The following ANLN variants were observed in gnomAD, a reference collection of about 807,000 sequenced individuals.
The protein encoded by ANLN is anillin, actin binding protein.
A neutral mutation model predicts 135.1 loss-of-function variants in ANLN; 59 were observed. The observed-to-expected ratio is 0.44, with a 90% confidence interval of 0.35 to 0.54. The LOEUF (loss-of-function observed/expected upper bound fraction) is 0.54, where lower values mean the gene tolerates loss of function less well. ANLN is among the 20% of genes least tolerant of loss of function. ANLN has a pLI of 0.00. For synonymous variants in ANLN, 406 were observed against 456.4 expected (o/e 0.89, Z 1.41); for missense variants, 1,182 against 1,340.0 (o/e 0.88, Z 1.84).
intron 2 of ANLN, among the ~76,000 whole-genome samples, chr7:36,397,528 C>T (rs926323052): frequency 2.0e-5 from 3 of 152,028 alleles, no homozygotes; most frequent in Non-Finnish European, 4.4e-5. Flanking sequence ...AGCAGGAACA[C>T]TTTCAAAAAT....
chr7:36,407,891 C>G lies in ANLN; in HGVS notation c.1031C>G (p.Ser344Cys). ...VKSTLSQTVPSKGELSREICL... is the reference protein window; with the variant it reads ...VKSTLSQTVPCKGELSREICL... ...TCAACTTTATCCCAGACAGTTCCATCCAAGGGAGAATTAAGTAGAGAAATT... is the reference window on the plus strand; with the variant it reads ...TCAACTTTATCCCAGACAGTTCCATGCAAGGGAGAATTAAGTAGAGAAATT... Residue 344 changes from serine (S) to cysteine (C), a missense_variant, in exon 5 of 24, where the codon TCC becomes TGC. Physicochemically the swap from Ser to Cys is moderately radical, Grantham distance 112 (BLOSUM62 -1). Transcript: ENST00000265748. 1 of 1,613,824 alleles carries G rather than the reference C, an allele frequency of 6.2e-7. No homozygotes were observed. Among genetic ancestry groups the G allele is most frequent in the Non-Finnish European group, 8.5e-7 (1 of 1,179,818 alleles).
In ANLN at chr7:36,415,891, GT is replaced by G; in HGVS notation, c.1522+10del. 6.4e-7 allele frequency: 1 copy of G among 1,572,606 alleles called. No homozygotes were observed. Among genetic ancestry groups the G allele is most frequent in the Non-Finnish European group, 8.6e-7 (1 of 1,165,314 alleles). ...TCTAGTACAGAACCTAAAGGTCAGT[GT>G]TTCCAGATTGTTCATGGTTAGTATG... On this transcript the variant is annotated splice_region_variant and intron_variant, in intron 8 of 23. Coordinates refer to ENST00000265748, the MANE Select transcript of ANLN (RefSeq NM_018685.5).
chr7:36,424,721 GA>G lies in ANLN; in HGVS notation c.2695del (p.Thr899HisfsTer16). On this transcript the variant is annotated frameshift_variant, in exon 17 of 24. Coordinates refer to ENST00000265748, the MANE Select transcript of ANLN (RefSeq NM_018685.5). LOFTEE classifies it high-confidence loss of function. ...KKDPSGLDKK[K>X]KTSKSKAITP... ...AAGATCCCTCAGGCCTTGATAAGAAGAAAAAAACATCCAAGTCCAAGGTGAG... is the reference window on the plus strand; with the variant it reads ...AAGATCCCTCAGGCCTTGATAAGAAGAAAAAACATCCAAGTCCAAGGTGAG... 2 of 1,611,186 alleles carry G rather than the reference GA, an allele frequency of 1.2e-6. No individual in the cohort carries two copies. The highest frequency in any genetic ancestry group is 8.5e-7 in the Non-Finnish European group (1 of 1,178,894).
chr7:36,441,021 T>C (rs1788748748), intron 21 of ANLN, among the ~76,000 whole-genome samples: 1 of 152,244 alleles, frequency 6.6e-6, no homozygotes, highest in Admixed American at 6.5e-5. Flanking sequence ...TTGCTACTTA[T>C]TAACAGTATT....
intron 1 of ANLN, among the ~76,000 whole-genome samples, chr7:36,392,383 TCTC>T (rs1032669873): frequency 6.6e-5 from 10 of 151,790 alleles, no homozygotes; most frequent in East Asian, 1.9e-4. Flanking sequence ...ATTAGTAAAA[TCTC>T]CTAGAAAAAT....
At chr7:36,437,829 T>C (rs1788609743) in intron 20 of ANLN, among the ~76,000 whole-genome samples, 1 of 152,188 alleles carries the variant, frequency 6.6e-6, no homozygotes, top group South Asian at 2.1e-4. Context: ...TGGAGTGCAA[T>C]GGCACAATCT....
At chr7:36,403,109 CTCTT>C (rs1174957409) in intron 3 of ANLN, among the ~76,000 whole-genome samples, 2 of 152,026 alleles carry the variant, frequency 1.3e-5, no homozygotes, top group Admixed American at 6.6e-5. Flanking sequence ...AAGAGCGAAA[CTCTT>C]TCTCAAAAAA....
chr7:36,390,188 C>G (rs1786373330), intron 1 of ANLN, 144 bp downstream of exon 1: 1 of 1,413,440 alleles, frequency 7.1e-7, no homozygotes, highest in Non-Finnish European at 9.7e-7. Context: ...CCGGGGTCGC[C>G]GCGGCTGCGG....
chr7:36,449,887 A>G (rs2116836410), intron 23 of ANLN, 50 bp downstream of exon 23: 3 of 1,555,520 alleles, frequency 1.9e-6, no homozygotes, highest in Non-Finnish European at 2.6e-6. Context: ...TTGATTGCCC[A>G]CTATGTACTT....
At chr7:36,444,378 G>A (rs1271686787) in intron 22 of ANLN, among the ~76,000 whole-genome samples, 3 of 151,248 alleles carry the variant, frequency 2.0e-5, no homozygotes, top group African/African-American at 7.3e-5. Flanking sequence ...CATTCCCTAT[G>A]ATTTGACCAC....
intron 1 of ANLN, among the ~76,000 whole-genome samples, chr7:36,394,453 G>C (rs545668596): frequency 6.6e-6 from 1 of 151,998 alleles, no homozygotes; most frequent in Non-Finnish European, 1.5e-5. Context: ...GGAAATTATC[G>C]GACATATATG....
At chr7:36,427,796 G>A (rs1177517042) in intron 20 of ANLN, among the ~76,000 whole-genome samples, 1 of 152,130 alleles carries the variant, frequency 6.6e-6, no homozygotes, top group African/African-American at 2.4e-5. Flanking sequence ...CATATTAGAA[G>A]CTTCAAAAAT....
intron 2 of ANLN, 84 bp downstream of exon 2, chr7:36,396,503 G>C (rs1396557669): frequency 3.7e-6 from 5 of 1,352,448 alleles, no homozygotes; most frequent in African/African-American, 2.9e-5. Flanking sequence ...TTAGCATATA[G>C]AAGAACCAAG....
At chr7:36,420,373 G>T (rs1787825675) in intron 11 of ANLN, 59 bp downstream of exon 11, 2 of 1,562,862 alleles carry the variant, frequency 1.3e-6, no homozygotes, top group African/African-American at 1.4e-5. Context: ...ATTGACATAA[G>T]TCGTGTTATA....
rs1218381226 is a variant in ANLN at position 36,452,587 on chromosome 7, T to C, written c.3362T>C (p.Ile1121Thr). The change falls in exon 24 of 24, where the codon ATT (isoleucine) becomes ACT (threonine). Residue 1121 changes from isoleucine to threonine, a missense_variant. Ile to Thr is a moderately conservative substitution (Grantham distance 89). This residue lies in a region of ANLN where 78 missense variants were observed against 72.7 expected (regional missense o/e 1.07). Coordinates refer to ENST00000265748, the MANE Select transcript of ANLN (RefSeq NM_018685.5). ...LWQPDACYKP[I>T]GKP ...CAACCTGATGCTTGCTACAAACCTA[T>C]TGGAAAGCCTTAAACCGGGAAATTT... The C allele has an allele frequency of 9.9e-6, 16 of 1,613,900 alleles. No individual in the cohort carries two copies. Among genetic ancestry groups the C allele is most frequent in the African/African-American group, 1.3e-5 (1 of 74,910 alleles).
At chr7:36,399,712 TAAAG>T in intron 3 of ANLN, among the ~76,000 whole-genome samples, 1 of 152,308 alleles carries the variant, frequency 6.6e-6, no homozygotes, top group Non-Finnish European at 1.5e-5. Flanking sequence ...AGCTCCATGT[TAAAG>T]AAATCCTATT....
At chr7:36,445,911 A>T (rs1022209873) in intron 22 of ANLN, among the ~76,000 whole-genome samples, 9 of 152,206 alleles carry the variant, frequency 5.9e-5, no homozygotes, top group African/African-American at 2.2e-4. Context: ...TTCCATCAGT[A>T]TGATAGATGT....
intron 21 of ANLN, 140 bp from the exon 22 acceptor site, chr7:36,443,614 AG>A (rs1243570964): frequency 3.1e-5 from 18 of 583,308 alleles, no homozygotes; most frequent in Non-Finnish European, 4.6e-5. Flanking sequence ...TTAAGATAAA[AG>A]ACATGATAAA....
In ANLN at chr7:36,424,704, T is replaced by TTGATAAGAAAGA. The variant is rs763735571; in HGVS notation, c.2671_2672insTGATAAGAAAGA (p.Ser891delinsLeuIleArgLysThr). ...TGCGTAGGTGCAAAAGAAAGATCCC[T>TTGATAAGAAAGA]CAGGCCTTGATAAGAAGAAAAAAAC... On this transcript the variant is annotated protein_altering_variant, in exon 17 of 24. Transcript: ENST00000265748. 1.2e-6 allele frequency: 2 copies of TTGATAAGAAAGA among 1,612,342 alleles called. No homozygotes were observed. Among genetic ancestry groups the TTGATAAGAAAGA allele is most frequent in the Non-Finnish European group, 1.7e-6 (2 of 1,179,336 alleles).
Sources: gnomAD v4.1 joint callset for allele counts (sites outside exome capture counted in the v4.1 genomes callset) on GRCh38, gnomAD v4.1.1 for gene constraint, gnomAD v4.1.1 regional missense constraint, MANE v1.5 for transcripts, NCBI Gene and HGNC (gene_info 2026-07-23, HGNC 2026-07-21) for gene names.